The following MIPOL1 variants were observed in gnomAD, a reference collection of about 807,000 sequenced individuals.
The protein encoded by MIPOL1 is mirror-image polydactyly gene 1 protein.
MIPOL1 carries 57 observed loss-of-function variants against 60.9 expected under a neutral mutation model. The ratio of observed to expected loss-of-function variants is 0.94; its 90% CI spans 0.76 to 1.17. The LOEUF is 1.17. Ranked by LOEUF, MIPOL1 falls within the 50% of genes most tolerant of loss-of-function variation. The pLI, the probability that MIPOL1 is intolerant of heterozygous loss-of-function variation, is 0.00. For missense variants in MIPOL1, 551 were observed against 511.6 expected, an observed-to-expected ratio of 1.08 and a Z score of -0.74; for synonymous variants, 179 against 168.8, an observed-to-expected ratio of 1.06 and a Z score of -0.47.
chr14:37,509,760 CAT>C (rs1439142648), intron 12 of MIPOL1, among the ~76,000 whole-genome samples: 2 of 150,844 alleles, frequency 1.3e-5, no homozygotes, highest in Non-Finnish European at 3.0e-5. Context: ...GATACACATA[CAT>C]GTATGTTTGT....
chr14:37,208,954 A>G (rs1468059769), intron 1 of MIPOL1, among the ~76,000 whole-genome samples: 1 of 152,220 alleles, frequency 6.6e-6, no homozygotes, highest in Non-Finnish European at 1.5e-5. Flanking sequence ...AAACCAGAAC[A>G]CTAATATTGT....
intron 3 of MIPOL1, among the ~76,000 whole-genome samples, chr14:37,250,834 A>C (rs553947875): frequency 1.3e-5 from 2 of 152,158 alleles, no homozygotes; most frequent in Admixed American, 1.3e-4. Flanking sequence ...TTCATCTTAC[A>C]AATTTCATTT....
chr14:37,522,389 G>A lies in MIPOL1; in HGVS notation c.1262+22251G>A, dbSNP rs982301449. ...ATATTTTTCCCATCGTGGACAAAGT[G>A]TACAACTTAAAAACCTAATTTGTTT... On this transcript the variant is annotated intron_variant, in intron 12 of 12. Transcript: ENST00000684589. Among the ~76,000 whole-genome samples, 6 of 152,114 alleles carry A rather than the reference G, an allele frequency of 3.9e-5. No homozygotes were observed. The East Asian group carries it at 9.6e-4, about 24-fold the overall frequency.
At chr14:37,369,323 A>G (rs1014861899) in intron 9 of MIPOL1, among the ~76,000 whole-genome samples, 194 bp from the exon 10 acceptor site, 3 of 152,026 alleles carry the variant, frequency 2.0e-5, no homozygotes, top group African/African-American at 7.2e-5. Flanking sequence ...GAAAATTATA[A>G]TTGAATTTTT....
intron 9 of MIPOL1, among the ~76,000 whole-genome samples, chr14:37,320,306 C>T (rs1054033031): frequency 2.6e-5 from 4 of 152,066 alleles, no homozygotes; most frequent in Non-Finnish European, 5.9e-5. Context: ...AGAGTTAATA[C>T]TTGGTATCAT....
chr14:37,481,854 T>A (rs1316626365), intron 11 of MIPOL1, among the ~76,000 whole-genome samples: 2 of 152,142 alleles, frequency 1.3e-5, no homozygotes, highest in Non-Finnish European at 2.9e-5. Context: ...GTCTTTTCAA[T>A]AAATAATGCT....
rs551657379 is a variant in MIPOL1, at chr14:37,468,240, G to C, written c.1032-31668G>C. Among the ~76,000 whole-genome samples the C allele has an allele frequency of 1.0e-3, 154 of 151,988 alleles. 3 individuals carry two copies. The highest frequency in any genetic ancestry group is 1.2e-3 in the Non-Finnish European group (81 of 67,978). ...GTTTATTGAATAAATGCCGCTTTCA[G>C]GAATTATTTCACCACAAGTAAATGT... On this transcript the variant is annotated intron_variant, in intron 11 of 12. Coordinates refer to ENST00000684589, the MANE Select transcript of MIPOL1 (RefSeq NM_001388067.1).
intron 7 of MIPOL1, among the ~76,000 whole-genome samples, chr14:37,298,148 A>G (rs1247771079): frequency 2.6e-5 from 4 of 152,216 alleles, no homozygotes; most frequent in Non-Finnish European, 5.9e-5. Context: ...ATAATGCCGC[A>G]TATCTACAAC....
intron 1 of MIPOL1, among the ~76,000 whole-genome samples, chr14:37,241,969 CA>C (rs1397938810): frequency 8.1e-6 from 1 of 122,714 alleles, no homozygotes; most frequent in Non-Finnish European, 2.0e-5. Flanking sequence ...CGCCAGCAAG[CA>C]AGCAGTCAAT....
rs561319247 is a variant in MIPOL1, at chr14:37,526,542, T to C, written c.1263-20363T>C. 6.6e-3 allele frequency among the ~76,000 whole-genome samples: 966 copies of C among 146,484 alleles called. 11 individuals carry two copies. Among genetic ancestry groups the C allele is most frequent in the African/African-American group, 0.025 (932 of 37,402 alleles). On this transcript the variant is annotated intron_variant, in intron 12 of 12. Coordinates refer to ENST00000684589, the MANE Select transcript of MIPOL1 (RefSeq NM_001388067.1). ...CCGCCACCACACCTGGCTAATTTTT[T>C]GTATTTTTTTTTTTTTTTTTAGTAG...
At chr14:37,440,243 A>C (rs948385619) in intron 11 of MIPOL1, among the ~76,000 whole-genome samples, 1 of 152,242 alleles carries the variant, frequency 6.6e-6, no homozygotes, top group Non-Finnish European at 1.5e-5. Flanking sequence ...TCAAGATTTA[A>C]ATAAAATCCA....
At position 37,500,068 on chromosome 14, in the gene MIPOL1, C is replaced by G; in HGVS notation, c.1192C>G (p.Arg398Gly). Residue 398 changes from arginine to glycine, a missense_variant, in exon 12 of 13, where the codon CGA becomes GGA. Transcript: ENST00000684589. ...ATQLQQALTE[R>G]ANMELQLQHA... ...TCAACTGCAACAAGCTCTGACAGAG[C>G]GAGCAAATATGGAATTACAACTTCA... 6.2e-7 allele frequency: 1 copy of G among 1,613,738 alleles called. No homozygotes were observed. Among genetic ancestry groups the G allele is most frequent in the South Asian group, 1.1e-5 (1 of 91,056 alleles).
chr14:37,304,504 GT>G, intron 7 of MIPOL1, among the ~76,000 whole-genome samples: 1 of 151,784 alleles, frequency 6.6e-6, no homozygotes, highest in South Asian at 2.1e-4. Flanking sequence ...AACATGTTAA[GT>G]GTGGTGGTGT....
In MIPOL1 at chr14:37,273,069, A is replaced by G. The variant is rs143278275; in HGVS notation, c.493+2544A>G. On this transcript the variant is annotated intron_variant, in intron 6 of 12. Transcript: ENST00000684589. ...ATAGCAAGAAAATTAAAAACAGTCT[A>G]ACCATAAGGGAATTATTAAATAAGT... is the stretch of plus-strand genomic sequence containing the variant. Among the ~76,000 whole-genome samples, 483 of 151,424 alleles carry G rather than the reference A, an allele frequency of 3.2e-3. 6 individuals are homozygous for G. The highest frequency in any genetic ancestry group is 0.011 in the African/African-American group (454 of 41,514).
chr14:37,471,694 C>G (rs1168769533), intron 11 of MIPOL1, among the ~76,000 whole-genome samples: 1 of 152,078 alleles, frequency 6.6e-6, no homozygotes, highest in Admixed American at 6.6e-5. Flanking sequence ...TTAATGCTCT[C>G]TGAACACTGC....
chr14:37,332,370 G>C (rs1301945302), intron 9 of MIPOL1, among the ~76,000 whole-genome samples: 1 of 152,014 alleles, frequency 6.6e-6, no homozygotes. Context: ...TTGCTGATTT[G>C]CATATGTGGA....
intron 7 of MIPOL1, 143 bp from the exon 8 acceptor site, chr14:37,307,913 A>G: frequency 3.1e-6 from 2 of 640,932 alleles, no homozygotes; most frequent in Non-Finnish European, 5.6e-6. Context: ...AGCAGGTGGC[A>G]CTTTAATATG....
At chr14:37,543,442 ATT>A (rs891942954) in intron 12 of MIPOL1, among the ~76,000 whole-genome samples, 1 of 151,598 alleles carries the variant, frequency 6.6e-6, no homozygotes, top group African/African-American at 2.4e-5. Flanking sequence ...CACCTGGCTA[ATT>A]TTTTTTATTT....
chr14:37,229,010 T>C lies in MIPOL1; in HGVS notation c.-198-18093T>C, dbSNP rs184930269. On this transcript the variant is annotated intron_variant, in intron 1 of 12. Coordinates refer to ENST00000684589, the MANE Select transcript of MIPOL1 (RefSeq NM_001388067.1). ...AATAGATTGAAAATGGTAAAGTTTC[T>C]AAAATAAGTCAACAATTTCATCAAA... Among the ~76,000 whole-genome samples the C allele has an allele frequency of 3.0e-3, 455 of 151,296 alleles. 3 individuals carry two copies. The highest frequency in any genetic ancestry group is 0.01 in the African/African-American group (431 of 41,332).
Sources: allele counts gnomAD v4.1 joint callset (sites outside exome capture counted in the v4.1 genomes callset), GRCh38; gene constraint gnomAD v4.1.1; transcripts MANE v1.5; gene names NCBI Gene and HGNC (gene_info 2026-07-23, HGNC 2026-07-21).